The following KLHL1 variants were observed in gnomAD, a reference collection of about 807,000 sequenced individuals.
The protein encoded by KLHL1 is kelch like family member 1.
Under a neutral mutation model 77.7 loss-of-function variants are expected in KLHL1, and 47 were observed. The ratio of observed to expected loss-of-function variants is 0.60; its 90% confidence interval spans 0.48 to 0.77. KLHL1 has a LOEUF of 0.77. Among genes scored for constraint, KLHL1 ranks in the 30% least tolerant of loss-of-function variants. The pLI, the probability that KLHL1 is intolerant of heterozygous loss-of-function variation, is 0.00. For synonymous variants in KLHL1, 360 were observed against 325.2 expected (o/e 1.11, Z -1.15); for missense variants, 925 against 910.8 (o/e 1.02, Z -0.20).
At chr13:69,850,630 C>T (rs768696006) in intron 5 of KLHL1, among the ~76,000 whole-genome samples, 5 of 151,662 alleles carry the variant, frequency 3.3e-5, no homozygotes, top group Non-Finnish European at 7.4e-5. Flanking sequence ...AAAGATCCAT[C>T]ACTTAAATTC....
intron 1 of KLHL1, among the ~76,000 whole-genome samples, chr13:69,997,236 A>C (rs1013070064): frequency 1.3e-5 from 2 of 151,558 alleles, no homozygotes; most frequent in Non-Finnish European, 2.9e-5. Context: ...TAAATGAATA[A>C]ATAATAAAAT....
intron 5 of KLHL1, among the ~76,000 whole-genome samples, chr13:69,860,778 ATG>A (rs1317349093): frequency 6.6e-6 from 1 of 151,888 alleles, no homozygotes; most frequent in Non-Finnish European, 1.5e-5. Flanking sequence ...AATAAAAACA[ATG>A]TGTTTTTATT....
At chr13:69,775,343 CT>C (rs966156244) in intron 7 of KLHL1, among the ~76,000 whole-genome samples, 1 of 152,020 alleles carries the variant, frequency 6.6e-6, no homozygotes, top group African/African-American at 2.4e-5. Context: ...ATTTATATGT[CT>C]TGTAAAAACA....
At chr13:69,867,703 A>G (rs1418132299) in intron 5 of KLHL1, among the ~76,000 whole-genome samples, 1 of 151,982 alleles carries the variant, frequency 6.6e-6, no homozygotes, top group African/African-American at 2.4e-5. Flanking sequence ...GTATATTAAA[A>G]TATTTTAAAT....
intron 1 of KLHL1, among the ~76,000 whole-genome samples, chr13:70,002,792 C>G (rs576640726): frequency 1.3e-5 from 2 of 151,678 alleles, no homozygotes; most frequent in South Asian, 4.1e-4. Context: ...AAAAGCAAAA[C>G]TATTAACAAG....
intron 7 of KLHL1, among the ~76,000 whole-genome samples, chr13:69,772,680 C>T (rs1374257794): frequency 2.0e-5 from 3 of 151,972 alleles, no homozygotes; most frequent in Admixed American, 2.0e-4. Context: ...TTACATCTAC[C>T]GTGTGTAAAG....
At chr13:70,095,786 T>A (rs1032506875) in intron 1 of KLHL1, among the ~76,000 whole-genome samples, 43 of 152,164 alleles carry the variant, frequency 2.8e-4, no homozygotes, top group Middle Eastern at 3.4e-3. Flanking sequence ...ATTCCTTCTA[T>A]CTAACTGTAT....
chr13:69,903,142 G>A (rs1881928438), intron 4 of KLHL1, among the ~76,000 whole-genome samples: 1 of 152,138 alleles, frequency 6.6e-6, no homozygotes, highest in Non-Finnish European at 1.5e-5. Context: ...ATGTCTGGGT[G>A]AGGGATTGGT....
chr13:69,995,885 CCACA>C (rs200422196), intron 1 of KLHL1, among the ~76,000 whole-genome samples: 1 of 152,052 alleles, frequency 6.6e-6, no homozygotes, highest in Non-Finnish European at 1.5e-5. Context: ...AGGTCTCGAC[CCACA>C]CAGAGTCAGG....
At chr13:69,748,782 A>G (rs1874337568) in intron 7 of KLHL1, among the ~76,000 whole-genome samples, 1 of 125,690 alleles carries the variant, frequency 8.0e-6, no homozygotes. Context: ...AATGGTCAGG[A>G]TGGTCTGTCT....
chr13:69,895,935 T>C (rs1881621312), intron 4 of KLHL1, among the ~76,000 whole-genome samples: 1 of 152,136 alleles, frequency 6.6e-6, no homozygotes. Flanking sequence ...CTTGAACTTG[T>C]GACCTCAGGT....
intron 1 of KLHL1, among the ~76,000 whole-genome samples, chr13:70,073,075 A>G (rs1041594141): frequency 2.0e-5 from 3 of 152,154 alleles, no homozygotes; most frequent in African/African-American, 7.2e-5. Flanking sequence ...TACCCAAAGG[A>G]TTATAAATCA....
At position 69,701,477 on chromosome 13, in the gene KLHL1, C is replaced by A. The variant is rs144424988; in HGVS notation, c.*225G>T. 1.0e-3 allele frequency: 461 copies of A among 452,754 alleles called. 3 individuals carry two copies. The highest frequency in any genetic ancestry group is 8.2e-3 in the African/African-American group (397 of 48,446). 28.0% of individuals were successfully genotyped at this position (452,754 alleles called of 1,614,324 possible). A position where few individuals can be genotyped will look rare whatever the true frequency, so the allele number is the denominator to read the frequency against. ...CAAAACAAATTACCAATAACCATTC[C>A]CGAACTAACTAACATATGGCCAGAC... On this transcript the variant is annotated 3_prime_UTR_variant, in exon 11 of 11. Coordinates refer to ENST00000377844, the MANE Select transcript of KLHL1 (RefSeq NM_020866.3).
intron 7 of KLHL1, among the ~76,000 whole-genome samples, chr13:69,786,695 T>C (rs1876568949): frequency 6.6e-6 from 1 of 152,126 alleles, no homozygotes; most frequent in South Asian, 2.1e-4. Flanking sequence ...GGTATTCAAT[T>C]AGGAAAAGAG....
chr13:69,797,842 A>AAAAAAT (rs1286375989), intron 6 of KLHL1, among the ~76,000 whole-genome samples: 2 of 151,640 alleles, frequency 1.3e-5, no homozygotes, highest in East Asian at 3.9e-4. Context: ...AAAAAAAAAA[A>AAAAAAT]AAATCTGGGG....
At chr13:69,800,042 C>A (rs1274860673) in intron 6 of KLHL1, among the ~76,000 whole-genome samples, 2 of 152,158 alleles carry the variant, frequency 1.3e-5, no homozygotes, top group African/African-American at 4.8e-5. Flanking sequence ...CACTCTCCGA[C>A]CCCTGTCCAT....
intron 7 of KLHL1, among the ~76,000 whole-genome samples, chr13:69,749,106 G>T (rs546118324): frequency 2.0e-5 from 3 of 151,942 alleles, no homozygotes; most frequent in Admixed American, 2.0e-4. Context: ...CATATTTCTT[G>T]CAGCTGTGAT....
intron 1 of KLHL1, among the ~76,000 whole-genome samples, chr13:70,038,873 G>A (rs893409748): frequency 6.6e-5 from 10 of 152,048 alleles, no homozygotes; most frequent in African/African-American, 2.4e-4. Flanking sequence ...TTACAGGCGT[G>A]AGCCACTGCG....
At chr13:69,811,767 ATT>A (rs1324103640) in intron 6 of KLHL1, among the ~76,000 whole-genome samples, 18 of 152,126 alleles carry the variant, frequency 1.2e-4, no homozygotes, top group Admixed American at 1.2e-3. Flanking sequence ...ATCATTTTTT[ATT>A]GAGTCTATTT....
Sources: gnomAD v4.1 joint callset for allele counts (sites outside exome capture counted in the v4.1 genomes callset) on GRCh38, gnomAD v4.1.1 for gene constraint, MANE v1.5 for transcripts, NCBI Gene and HGNC (gene_info 2026-07-23, HGNC 2026-07-21) for gene names.